PRPF31: variants seen among roughly 807,000 people sequenced by gnomAD.
PRPF31 encodes the protein U4/U6 small nuclear ribonucleoprotein Prp31.
Under a neutral mutation model 60.4 loss-of-function variants are expected in PRPF31, and 12 were observed. The ratio of observed to expected loss-of-function variants is 0.20; its 90% CI spans 0.13 to 0.32. The LOEUF (loss-of-function observed/expected upper bound fraction) is 0.32, where lower values mean the gene tolerates loss of function less well. PRPF31 is among the 10% of genes least tolerant of loss of function. PRPF31 has a pLI of 1.00. For synonymous variants in PRPF31, 287 were observed against 287.9 expected, an observed-to-expected ratio of 1.00 and a Z score of 0.03; for missense variants, 431 against 687.1, an observed-to-expected ratio of 0.63 and a Z score of 4.17.
chr19:54,123,089 C>A, intron 5 of PRPF31: 2 of 478,890 alleles, frequency 4.2e-6, no homozygotes, highest in Admixed American at 3.4e-5. Flanking sequence ...AGGAGGTCCC[C>A]ACGCATGTCC....
intron 7 of PRPF31, chr19:54,124,258 C>T (rs1295828925): frequency 1.6e-6 from 1 of 631,126 alleles, no homozygotes; most frequent in East Asian, 2.7e-5. Context: ...TGGTGGTCAG[C>T]TTCCTGTTGG....
chr19:54,124,204 C>A (rs587762511), intron 7 of PRPF31: 20 of 668,146 alleles, frequency 3.0e-5, no homozygotes, highest in Admixed American at 8.8e-5. Flanking sequence ...GGTTCCAAAA[C>A]ACAGCCATCC....
At position 54,124,572 on chromosome 19, in the gene PRPF31, G is replaced by GCA; in HGVS notation, c.771_772insCA (p.Thr258GlnfsTer64). The GCA allele has an allele frequency of 6.2e-7, 1 of 1,613,266 alleles. No individual in the cohort carries two copies. Among genetic ancestry groups the GCA allele is most frequent in the Non-Finnish European group, 8.5e-7 (1 of 1,179,942 alleles). On this transcript the variant is annotated frameshift_variant, in exon 8 of 14. Coordinates refer to ENST00000321030, the MANE Select transcript of PRPF31 (RefSeq NM_015629.4). LOFTEE classifies it high-confidence loss of function. Reference sequence around the variant, plus strand: ...TCATGCTGCTCGGGGCCCAGCGCAAGACGCTGTCGGGCTTCTCGTCTACCT... The same window carrying GCA: ...TCATGCTGCTCGGGGCCCAGCGCAAGCAACGCTGTCGGGCTTCTCGTCTACCT...
rs1426172631 is a variant in PRPF31 at position 54,129,053 on chromosome 19, C to G, written c.1147-4C>G. ...AACTGCAGGGCGCCTCCTCTCCCCC[C>G]TAGATCGAGGAGGACGCCTACCAGG... On this transcript the variant is annotated splice_polypyrimidine_tract_variant and splice_region_variant and intron_variant, in intron 11 of 13. Transcript: ENST00000321030. 6.4e-7 allele frequency: 1 copy of G among 1,568,764 alleles called. No individual in the cohort carries two copies. Among genetic ancestry groups the G allele is most frequent in the Non-Finnish European group, 8.6e-7 (1 of 1,157,540 alleles).
At chr19:54,129,213 G>A (rs1407803220) in intron 12 of PRPF31, 28 bp downstream of exon 12, 2 of 1,596,154 alleles carry the variant, frequency 1.3e-6, no homozygotes, top group Non-Finnish European at 1.7e-6. Flanking sequence ...GTGGGGCTGG[G>A]GACCGAGGGA....
rs145505952 is a variant in PRPF31, at chr19:54,118,589, T to A, written c.194T>A (p.Met65Lys). 506 of 1,614,008 alleles carry A rather than the reference T, an allele frequency of 3.1e-4. No homozygotes were observed. The highest frequency in any genetic ancestry group is 1.1e-3 in the Admixed American group (65 of 59,986). ...WDSKMFAEIMMKIEEYISKQA... is the reference protein window; with the variant it reads ...WDSKMFAEIMKKIEEYISKQA... ...TTCCTACAGTTTGCTGAGATTATGA[T>A]GAAGATTGAGGAGTATATCAGCAAG... Residue 65 changes from methionine to lysine, a missense_variant, in exon 3 of 14, where the codon ATG (methionine) becomes AAG (lysine). Physicochemically the swap from Met to Lys is moderately conservative, Grantham distance 95. Transcript: ENST00000321030.
intron 7 of PRPF31, 38 bp downstream of exon 7, chr19:54,123,956 G>T (rs1180738585): frequency 6.2e-7 from 1 of 1,610,774 alleles, no homozygotes; most frequent in Admixed American, 1.7e-5. Context: ...GCGGGGGTCT[G>T]CTGACACTGT....
chr19:54,128,278 T>C, intron 10 of PRPF31, 27 bp from the exon 11 acceptor site: 1 of 1,551,456 alleles, frequency 6.4e-7, no homozygotes, highest in Non-Finnish European at 8.7e-7. Flanking sequence ...GCCGACTCCC[T>C]GGCGCCGCCC....
In PRPF31 at chr19:54,123,569, G is replaced by T. The variant is rs376994481; in HGVS notation, c.527+9G>T. The T allele has an allele frequency of 1.1e-3, 1,739 of 1,613,428 alleles. 2 individuals are homozygous for T. The highest frequency in any genetic ancestry group is 1.4e-3 in the Non-Finnish European group (1,674 of 1,179,488). On this transcript the variant is annotated intron_variant, in intron 6 of 13. Coordinates refer to ENST00000321030, the MANE Select transcript of PRPF31 (RefSeq NM_015629.4). ...GCCTCCACCACCCAGGGGTATGTCC[G>T]CTTCGAGGGAGGCGCCGGGCCCTAA...
In PRPF31 at chr19:54,128,355, C is replaced by A; in HGVS notation, c.1124C>A (p.Ala375Asp). The stretch of plus-strand genomic sequence containing the variant: ...GGGCTGACGGAGATCCGGAAGCAGG[C>A]CAACCGTATGAGCTTCGGAGAGGTC... ...RLGLTEIRKQ[A>D]NRMSFGEIEE... Residue 375 changes from alanine to aspartate, a missense_variant, in exon 11 of 14, where the codon GCC (alanine) becomes GAC (aspartate). Ala to Asp is a moderately radical substitution (Grantham distance 126). This residue lies in a region of PRPF31 where 314 missense variants were observed against 475.3 expected (regional missense o/e 0.66). Transcript: ENST00000321030. 6.5e-7 allele frequency: 1 copy of A among 1,545,342 alleles called. No individual in the cohort carries two copies. The highest frequency in any genetic ancestry group is 8.7e-7 in the Non-Finnish European group (1 of 1,146,076).
At chr19:54,122,415 A>G (rs970431283) in intron 4 of PRPF31, 82 bp from the exon 5 acceptor site, 14 of 1,019,732 alleles carry the variant, frequency 1.4e-5, no homozygotes, top group African/African-American at 3.1e-5. Context: ...TACTAAAGGA[A>G]GAAGGGGACA....
chr19:54,123,567 C>A lies in PRPF31; in HGVS notation c.527+7C>A. 6.2e-7 allele frequency: 1 copy of A among 1,613,752 alleles called. No individual in the cohort carries two copies. Among genetic ancestry groups the A allele is most frequent in the Non-Finnish European group, 8.5e-7 (1 of 1,179,662 alleles). On this transcript the variant is annotated splice_region_variant and intron_variant, in intron 6 of 13. Transcript: ENST00000321030. ...CCGCCTCCACCACCCAGGGGTATGTCCGCTTCGAGGGAGGCGCCGGGCCCT... is the reference window on the plus strand; with the variant it reads ...CCGCCTCCACCACCCAGGGGTATGTACGCTTCGAGGGAGGCGCCGGGCCCT...
rs2074047449 is a variant in PRPF31, at chr19:54,131,530, C to A, written c.*98C>A. On this transcript the variant is annotated 3_prime_UTR_variant, in exon 14 of 14. Transcript: ENST00000321030. Reference sequence around the variant, plus strand: ...CGGGTTCTGGCAGGGAGAACCTGCCCTGCCACTGGCCCCATTGCTGGGACT... The same window carrying A: ...CGGGTTCTGGCAGGGAGAACCTGCCATGCCACTGGCCCCATTGCTGGGACT... The A allele has an allele frequency of 1.3e-6, 2 of 1,519,660 alleles. No homozygotes were observed. The highest frequency in any genetic ancestry group is 2.4e-5 in the South Asian group (2 of 84,814). 94.1% of individuals were successfully genotyped at this position (1,519,660 alleles called of 1,614,324 possible). A position where few individuals can be genotyped will look rare whatever the true frequency, so the allele number is the denominator to read the frequency against.
At position 54,118,470 on chromosome 19, in the gene PRPF31, G is replaced by C. The variant is rs1202802884; in HGVS notation, c.177+15G>C. On this transcript the variant is annotated intron_variant, in intron 2 of 13. Transcript: ENST00000321030. ...ATAGTAAGATGGTAAGAGGACAAGA[G>C]GTGTTCCTAGCAGGGGGCTCTAGAC... 1.2e-6 allele frequency: 2 copies of C among 1,614,012 alleles called. No individual in the cohort carries two copies. The highest frequency in any genetic ancestry group is 3.3e-5 in the Admixed American group (2 of 60,016).
At chr19:54,128,518 C>T (rs1368017226) in intron 11 of PRPF31, 141 bp downstream of exon 11, 5 of 906,604 alleles carry the variant, frequency 5.5e-6, no homozygotes, top group Middle Eastern at 3.2e-4. Context: ...CCCCCGGCCT[C>T]TATTCTCGTT....
chr19:54,124,717 A>G, intron 8 of PRPF31, 61 bp downstream of exon 8: 1 of 1,571,618 alleles, frequency 6.4e-7, no homozygotes, highest in Non-Finnish European at 8.7e-7. Flanking sequence ...CTGTGCCCAG[A>G]CAGCCTGAGC....
chr19:54,124,662 C>T lies in PRPF31; in HGVS notation c.855+6C>T. On this transcript the variant is annotated splice_donor_region_variant and intron_variant, in intron 8 of 13. Transcript: ENST00000321030. ...TCGTGCAGTCCCTGCCACCGGTGAG[C>T]CCACTGCGTCATGGCCCCTCCCCCG... The T allele has an allele frequency of 1.2e-6, 2 of 1,611,964 alleles. No homozygotes were observed. Among genetic ancestry groups the T allele is most frequent in the Non-Finnish European group, 1.7e-6 (2 of 1,179,940 alleles).
chr19:54,122,349 C>T, intron 4 of PRPF31, 148 bp from the exon 5 acceptor site: 1 of 775,220 alleles, frequency 1.3e-6, no homozygotes, highest in Non-Finnish European at 2.4e-6. Flanking sequence ...GTAAGGACGG[C>T]TGAGAAAGGC....
At chr19:54,128,798 C>G (rs1281091015) in intron 11 of PRPF31, among the ~76,000 whole-genome samples, 1 of 152,194 alleles carries the variant, frequency 6.6e-6, no homozygotes, top group African/African-American at 2.4e-5. Context: ...ATCCCCCGAC[C>G]CACACGAGTA....
Sources: allele counts gnomAD v4.1 joint callset (sites outside exome capture counted in the v4.1 genomes callset), GRCh38; gene constraint gnomAD v4.1.1; regional missense constraint gnomAD v4.1.1; transcripts MANE v1.5; gene names NCBI Gene and HGNC (gene_info 2026-07-23, HGNC 2026-07-21).